Variants in ARSB observed in about 807,000 individuals in gnomAD.
ARSB encodes the protein N-acetylgalactosamine-4-sulfatase.
In ARSB, 41 loss-of-function variants were observed where a neutral mutation model predicts 50.9. The ratio of observed to expected loss-of-function variants is 0.81; its 90% CI spans 0.63 to 1.04. ARSB has a LOEUF of 1.04. Among genes scored for constraint, ARSB ranks in the 50% least tolerant of loss-of-function variants. The pLI, the probability that ARSB is intolerant of heterozygous loss-of-function variation, is 0.00. For synonymous variants in ARSB, 269 were observed against 284.8 expected (o/e 0.94, Z 0.56); for missense variants, 672 against 693.3 (o/e 0.97, Z 0.35).
At chr5:78,978,238 C>T (rs1752748373) in intron 1 of ARSB, among the ~76,000 whole-genome samples, 1 of 151,196 alleles carries the variant, frequency 6.6e-6, no homozygotes, top group Non-Finnish European at 1.5e-5. Context: ...ACTCAGGAGG[C>T]TGAGGCAGGA....
At position 78,793,008 on chromosome 5, in the gene ARSB, C is replaced by G. The variant is rs372797911; in HGVS notation, c.1214-11034G>C. 3.3e-5 allele frequency among the ~76,000 whole-genome samples: 5 copies of G among 152,278 alleles called. No homozygotes were observed. The South Asian group carries it at 1.0e-3, about 32-fold the overall frequency. ...ATTGTAAAAACAGAGTGCAATAGAACAGAGATTCCCAATTCTGGTTCTGCC... is the reference window on the plus strand; with the variant it reads ...ATTGTAAAAACAGAGTGCAATAGAAGAGAGATTCCCAATTCTGGTTCTGCC... On this transcript the variant is annotated intron_variant, in intron 6 of 7. Coordinates refer to ENST00000264914, the MANE Select transcript of ARSB (RefSeq NM_000046.5).
chr5:78,820,980 T>TAA (rs35089219), intron 6 of ARSB, among the ~76,000 whole-genome samples: 162 of 149,410 alleles, frequency 1.1e-3, no homozygotes, highest in African/African-American at 2.1e-3. Flanking sequence ...ATTATCTATG[T>TAA]AAAAAAAAAA....
chr5:78,873,525 T>C (rs1158297769), intron 5 of ARSB, among the ~76,000 whole-genome samples: 2 of 68,346 alleles, frequency 2.9e-5, no homozygotes, highest in African/African-American at 9.9e-5. Flanking sequence ...AGACGGAGTC[T>C]CGCTCTGTCG....
chr5:78,928,863 G>T (rs1750185999), intron 4 of ARSB, among the ~76,000 whole-genome samples: 1 of 152,162 alleles, frequency 6.6e-6, no homozygotes, highest in Non-Finnish European at 1.5e-5. Context: ...ACTCCAGGAA[G>T]ATGTGCCCCA....
At chr5:78,866,762 T>C (rs1746768011) in intron 5 of ARSB, among the ~76,000 whole-genome samples, 1 of 152,122 alleles carries the variant, frequency 6.6e-6, no homozygotes, top group South Asian at 2.1e-4. Context: ...TCCATTATAA[T>C]AACACAGTGT....
chr5:78,919,556 G>A (rs901738737), intron 4 of ARSB, among the ~76,000 whole-genome samples: 1 of 152,028 alleles, frequency 6.6e-6, no homozygotes, highest in Admixed American at 6.6e-5. Flanking sequence ...GCAGTGGCAC[G>A]ATCTTGGCTC....
chr5:78,843,033 A>C (rs1337710927), intron 5 of ARSB, among the ~76,000 whole-genome samples: 1 of 152,216 alleles, frequency 6.6e-6, no homozygotes, highest in Non-Finnish European at 1.5e-5. Flanking sequence ...CCAGATGCAC[A>C]GGCTGCATCT....
intron 5 of ARSB, among the ~76,000 whole-genome samples, chr5:78,880,407 T>C (rs1747694734): frequency 6.6e-6 from 1 of 152,214 alleles, no homozygotes. Flanking sequence ...CCTGGCAAAG[T>C]GTCCTATAAA....
intron 5 of ARSB, chr5:78,885,362 G>A: frequency 1.5e-6 from 1 of 669,210 alleles, no homozygotes; most frequent in Non-Finnish European, 2.3e-6. Context: ...ATGGGCTGAG[G>A]ACAATCTTGT....
chr5:78,932,832 C>T (rs753930850), intron 4 of ARSB, among the ~76,000 whole-genome samples: 6 of 152,162 alleles, frequency 3.9e-5, no homozygotes, highest in Non-Finnish European at 8.8e-5. Context: ...TCCATGGAGG[C>T]ATCTGGAATG....
intron 6 of ARSB, among the ~76,000 whole-genome samples, chr5:78,821,214 C>A (rs1193897721): frequency 1.3e-5 from 2 of 152,194 alleles, no homozygotes; most frequent in African/African-American, 2.4e-5. Flanking sequence ...CAGCTCACTG[C>A]AACCTCTGCC....
chr5:78,968,187 C>T (rs1752283297), intron 2 of ARSB, among the ~76,000 whole-genome samples: 1 of 151,416 alleles, frequency 6.6e-6, no homozygotes, highest in Admixed American at 6.6e-5. Context: ...ACAGATTTCA[C>T]AGGTGGAAGA....
chr5:78,910,847 T>C (rs1426513180), intron 4 of ARSB, among the ~76,000 whole-genome samples: 1 of 152,246 alleles, frequency 6.6e-6, no homozygotes, highest in Non-Finnish European at 1.5e-5. Context: ...CCAGAGCTTC[T>C]GGTCCAGAAA....
At chr5:78,797,079 C>T (rs1319327190) in intron 6 of ARSB, among the ~76,000 whole-genome samples, 2 of 152,120 alleles carry the variant, frequency 1.3e-5, no homozygotes, top group Non-Finnish European at 2.9e-5. Context: ...GGGGTTTCAC[C>T]GTTTTAGCCG....
At chr5:78,818,693 C>T (rs532506291) in intron 6 of ARSB, among the ~76,000 whole-genome samples, 1 of 139,590 alleles carries the variant, frequency 7.2e-6, no homozygotes, top group South Asian at 2.4e-4. Flanking sequence ...TCTCGGCTCA[C>T]TGCAAGCTCC....
chr5:78,983,753 A>G (rs1056196377), intron 1 of ARSB, among the ~76,000 whole-genome samples: 2 of 152,184 alleles, frequency 1.3e-5, no homozygotes, highest in African/African-American at 4.8e-5. Flanking sequence ...ACCACTGCGC[A>G]TATCTTTATC....
chr5:78,909,547 G>A (rs986050086), intron 4 of ARSB, among the ~76,000 whole-genome samples: 3 of 152,186 alleles, frequency 2.0e-5, no homozygotes, highest in African/African-American at 7.2e-5. Context: ...AAGGTTTAAG[G>A]GATCTAGGGC....
At chr5:78,945,334 T>G (rs1468751287) in intron 4 of ARSB, among the ~76,000 whole-genome samples, 1 of 152,286 alleles carries the variant, frequency 6.6e-6, no homozygotes, top group South Asian at 2.1e-4. Flanking sequence ...AGTACCTCAG[T>G]TGGAAATGCA....
intron 6 of ARSB, among the ~76,000 whole-genome samples, chr5:78,810,538 G>A (rs1743769540): frequency 6.6e-6 from 1 of 152,228 alleles, no homozygotes; most frequent in South Asian, 2.1e-4. Flanking sequence ...GAGTTTGTCT[G>A]TTTTTGCCAT....
Sources: gnomAD v4.1 joint callset for allele counts (sites outside exome capture counted in the v4.1 genomes callset) on GRCh38, gnomAD v4.1.1 for gene constraint, MANE v1.5 for transcripts, NCBI Gene and HGNC (gene_info 2026-07-23, HGNC 2026-07-21) for gene names.